Variants in PPP1R9A observed in about 807,000 individuals in gnomAD.
PPP1R9A encodes the protein neurabin-1.
Under a neutral mutation model 141.9 loss-of-function variants are expected in PPP1R9A, and 59 were observed. The ratio of observed to expected loss-of-function variants is 0.42; its 90% CI spans 0.34 to 0.52. The LOEUF is 0.52. PPP1R9A is among the 20% of genes least tolerant of loss of function. The probability of loss-of-function intolerance (pLI) is 0.10; values close to 1 mark genes in which losing one functional copy is unlikely to be tolerated. For synonymous variants in PPP1R9A, 500 were observed against 569.7 expected (o/e 0.88, Z 1.74); for missense variants, 1,444 against 1,611.9 (o/e 0.90, Z 1.78).
At chr7:95,164,626 A>G (rs10227117) in intron 5 of PPP1R9A, among the ~76,000 whole-genome samples, 81,369 of 151,448 alleles carry the variant, frequency 0.54, 21,980 homozygotes, top group East Asian at 0.62. Flanking sequence ...TTTCCTGGGC[A>G]TATCCTCTAG....
At chr7:94,914,132 C>T (rs1791777713) in intron 2 of PPP1R9A, among the ~76,000 whole-genome samples, 1 of 152,154 alleles carries the variant, frequency 6.6e-6, no homozygotes, top group Non-Finnish European at 1.5e-5. Flanking sequence ...AAACATACTT[C>T]CTCTTAAAGA....
At chr7:95,281,162 G>T (rs760354480) in intron 16 of PPP1R9A, among the ~76,000 whole-genome samples, 5 of 152,100 alleles carry the variant, frequency 3.3e-5, no homozygotes, top group Non-Finnish European at 7.4e-5. Context: ...GTACCCAGGG[G>T]TTACATCAGT....
rs1803038950 is a variant in PPP1R9A at position 95,002,252 on chromosome 7, A to G, written c.1395+90744A>G. 2.0e-5 allele frequency among the ~76,000 whole-genome samples: 3 copies of G among 152,222 alleles called. No homozygotes were observed. The South Asian group carries it at 6.2e-4, about 31-fold the overall frequency. ...TGACTATTACTACAAAAATTGTAAT[A>G]TTATAGATTAGGATTTATTCATACA... is the stretch of plus-strand genomic sequence containing the variant. On this transcript the variant is annotated intron_variant, in intron 2 of 19. Transcript: ENST00000433360.
chr7:95,188,600 GTTT>G (rs150725765), intron 5 of PPP1R9A, among the ~76,000 whole-genome samples: 1 of 133,402 alleles, frequency 7.5e-6, no homozygotes. Flanking sequence ...GTTGTGTTTT[GTTT>G]TTTTTTTTTT....
chr7:95,054,085 T>G (rs1811165444), intron 2 of PPP1R9A, among the ~76,000 whole-genome samples: 1 of 151,618 alleles, frequency 6.6e-6, no homozygotes, highest in Non-Finnish European at 1.5e-5. Flanking sequence ...ATTAGTCCAC[T>G]ATGGCTTCCT....
chr7:95,264,485 G>T (rs1172173085), intron 12 of PPP1R9A, among the ~76,000 whole-genome samples: 1 of 152,082 alleles, frequency 6.6e-6, no homozygotes, highest in Non-Finnish European at 1.5e-5. Context: ...GTAGGGAACT[G>T]GTCTCTGTGT....
At chr7:95,241,892 A>G (rs1797519937) in intron 8 of PPP1R9A, among the ~76,000 whole-genome samples, 1 of 152,126 alleles carries the variant, frequency 6.6e-6, no homozygotes, top group Non-Finnish European at 1.5e-5. Context: ...CTGTAATTAC[A>G]GGCCATCAAC....
chr7:94,907,422 GC>G (rs1790877662), upstream of PPP1R9A: 1 of 152,502 alleles, frequency 6.6e-6, no homozygotes, highest in Non-Finnish European at 1.5e-5. Context: ...GGACTTGGAT[GC>G]CTTGGGGTCA....
At chr7:95,148,836 A>C (rs989435007) in intron 4 of PPP1R9A, among the ~76,000 whole-genome samples, 2 of 152,192 alleles carry the variant, frequency 1.3e-5, no homozygotes, top group East Asian at 3.8e-4. Flanking sequence ...CAAAGATAAT[A>C]AATACTTCGT....
chr7:95,001,164 A>G (rs762134383), intron 2 of PPP1R9A, among the ~76,000 whole-genome samples: 1 of 152,172 alleles, frequency 6.6e-6, no homozygotes, highest in Non-Finnish European at 1.5e-5. Flanking sequence ...GGGGACCTGT[A>G]TTGTTTGGAT....
chr7:95,060,751 G>A (rs1265985767), intron 2 of PPP1R9A, among the ~76,000 whole-genome samples: 2 of 152,132 alleles, frequency 1.3e-5, no homozygotes, highest in Non-Finnish European at 2.9e-5. Context: ...CAGAGGGGTG[G>A]GCAGTATGAC....
intron 2 of PPP1R9A, among the ~76,000 whole-genome samples, chr7:95,019,764 T>C (rs916525719): frequency 6.6e-6 from 1 of 152,108 alleles, no homozygotes; most frequent in Non-Finnish European, 1.5e-5. Flanking sequence ...TATATATCGC[T>C]GAAGTAAATG....
intron 2 of PPP1R9A, among the ~76,000 whole-genome samples, chr7:95,105,625 A>G (rs552600937): frequency 2.0e-4 from 31 of 152,350 alleles, no homozygotes; most frequent in Middle Eastern, 3.4e-3. Flanking sequence ...GTTGGCCTTT[A>G]GAGTTTTTTG....
At chr7:95,286,927 T>A (rs1371819642) in intron 18 of PPP1R9A, among the ~76,000 whole-genome samples, 1 of 152,204 alleles carries the variant, frequency 6.6e-6, no homozygotes, top group African/African-American at 2.4e-5. Flanking sequence ...ATATTTGTTC[T>A]TACTATTTCT....
chr7:95,116,724 A>G (rs1821589502), intron 3 of PPP1R9A, among the ~76,000 whole-genome samples: 1 of 152,200 alleles, frequency 6.6e-6, no homozygotes, highest in African/African-American at 2.4e-5. Context: ...AGACTTAAGT[A>G]TGAAAAGGAA....
At chr7:94,913,632 T>C (rs1282335202) in intron 2 of PPP1R9A, among the ~76,000 whole-genome samples, 1 of 152,180 alleles carries the variant, frequency 6.6e-6, no homozygotes, top group African/African-American at 2.4e-5. Flanking sequence ...TTGTTAAATA[T>C]GCAAGTGGAT....
intron 2 of PPP1R9A, among the ~76,000 whole-genome samples, chr7:95,026,291 T>TA (rs1806824571): frequency 6.6e-6 from 1 of 152,242 alleles, no homozygotes; most frequent in Non-Finnish European, 1.5e-5. Flanking sequence ...ATGTTGATGC[T>TA]ATTTGTTTCT....
intron 8 of PPP1R9A, among the ~76,000 whole-genome samples, chr7:95,243,956 A>C (rs1245015981): frequency 3.3e-5 from 5 of 152,160 alleles, no homozygotes; most frequent in Non-Finnish European, 7.4e-5. Context: ...GGTCCATACT[A>C]TATAAAACAA....
intron 4 of PPP1R9A, among the ~76,000 whole-genome samples, chr7:95,150,902 A>G (rs574734675): frequency 1.3e-5 from 2 of 152,236 alleles, no homozygotes; most frequent in East Asian, 3.8e-4. Flanking sequence ...ACAAGTAAGC[A>G]TATGAGAAGT....
Sources: gnomAD v4.1 joint callset for allele counts (sites outside exome capture counted in the v4.1 genomes callset) on GRCh38, gnomAD v4.1.1 for gene constraint, MANE v1.5 for transcripts, NCBI Gene and HGNC (gene_info 2026-07-23, HGNC 2026-07-21) for gene names.